Variants in EYS observed in about 807,000 individuals in gnomAD.
The protein encoded by EYS is EGF-like photoreceptor maintenance factor.
Under a neutral mutation model 282.1 loss-of-function variants are expected in EYS, and 250 were observed. That is an observed-to-expected ratio of 0.89 (90% confidence interval 0.80 to 0.98). The LOEUF is 0.98. Ranked by LOEUF, EYS falls within the 50% of genes least tolerant of loss-of-function variation. The pLI is 0.00. For missense variants in EYS, 4,016 were observed against 3,709.0 expected, an observed-to-expected ratio of 1.08 and a Z score of -2.15; for synonymous variants, 1,355 against 1,282.9, an observed-to-expected ratio of 1.06 and a Z score of -1.20.
At chr6:65,333,641 T>C (rs2150312607) in intron 11 of EYS, among the ~76,000 whole-genome samples, 1 of 151,792 alleles carries the variant, frequency 6.6e-6, no homozygotes, top group Admixed American at 6.6e-5. Flanking sequence ...TATTAGAGCC[T>C]CTAATTGTTA....
At chr6:63,821,799 G>T (rs1455778487) in intron 36 of EYS, 1 of 152,222 alleles carries the variant, frequency 6.6e-6, no homozygotes, top group East Asian at 1.9e-4. Flanking sequence ...CAACCAGCTG[G>T]AATGGATATG....
chr6:64,669,300 A>T (rs765285917), intron 22 of EYS, among the ~76,000 whole-genome samples: 1 of 152,184 alleles, frequency 6.6e-6, no homozygotes, highest in African/African-American at 2.4e-5. Context: ...GCTTGAATGG[A>T]TATAATCTGT....
At chr6:64,810,457 A>G (rs1406532204) in intron 22 of EYS, among the ~76,000 whole-genome samples, 1 of 152,072 alleles carries the variant, frequency 6.6e-6, no homozygotes, top group African/African-American at 2.4e-5. Flanking sequence ...CAAAGATAAG[A>G]TCTAAGAAAT....
At chr6:64,764,674 C>T (rs1253990332) in intron 22 of EYS, among the ~76,000 whole-genome samples, 2 of 152,240 alleles carry the variant, frequency 1.3e-5, no homozygotes, top group Non-Finnish European at 2.9e-5. Context: ...ATGGGGTTTT[C>T]TTTTCTACTC....
chr6:65,067,601 G>A (rs1051515160), intron 12 of EYS, among the ~76,000 whole-genome samples: 6 of 151,934 alleles, frequency 3.9e-5, no homozygotes, highest in Non-Finnish European at 7.4e-5. Flanking sequence ...ATTCTTATAC[G>A]TAATTATTAA....
intron 2 of EYS, among the ~76,000 whole-genome samples, chr6:65,546,018 T>A (rs868554051): frequency 2.7e-4 from 41 of 150,924 alleles, no homozygotes; most frequent in Middle Eastern, 3.4e-3. Context: ...ATTTTAACTT[T>A]TTTTTGTTGT....
intron 35 of EYS, among the ~76,000 whole-genome samples, chr6:63,879,834 G>T (rs1322156031): frequency 6.6e-6 from 1 of 152,140 alleles, no homozygotes; most frequent in Non-Finnish European, 1.5e-5. Context: ...TGCCTAACTG[G>T]ACAGGATGCC....
chr6:65,431,806 GTTTAT>G (rs888011118), intron 5 of EYS, among the ~76,000 whole-genome samples: 68 of 152,082 alleles, frequency 4.5e-4, no homozygotes, highest in African/African-American at 1.5e-3. Context: ...TAGTTATAAT[GTTTAT>G]TTTAACATTA....
At chr6:64,856,856 G>A (rs1766080484) in intron 19 of EYS, among the ~76,000 whole-genome samples, 1 of 151,560 alleles carries the variant, frequency 6.6e-6, no homozygotes, top group Non-Finnish European at 1.5e-5. Context: ...GGTAACTTAG[G>A]TTAATAAACA....
chr6:64,956,294 A>G (rs929929410), intron 14 of EYS, among the ~76,000 whole-genome samples: 1 of 152,214 alleles, frequency 6.6e-6, no homozygotes, highest in African/African-American at 2.4e-5. Context: ...CCACACACCT[A>G]CAGTGAACTC....
chr6:63,968,112 A>G (rs1766389833), intron 35 of EYS, among the ~76,000 whole-genome samples: 1 of 152,198 alleles, frequency 6.6e-6, no homozygotes, highest in African/African-American at 2.4e-5. Context: ...TAATAAAGAA[A>G]GACCTTTGTA....
intron 12 of EYS, among the ~76,000 whole-genome samples, chr6:65,207,895 T>A (rs149051524): frequency 1.3e-5 from 2 of 151,914 alleles, no homozygotes; most frequent in East Asian, 3.9e-4. Context: ...AAGATCTGAA[T>A]GTAAGGCCTG....
At chr6:65,423,571 A>G (rs370655388) in intron 5 of EYS, among the ~76,000 whole-genome samples, 1 of 151,930 alleles carries the variant, frequency 6.6e-6, no homozygotes, top group South Asian at 2.1e-4. Context: ...CCATGTTCCC[A>G]GGTGATTCTG....
chr6:64,707,391 C>CGG (rs1771059657), intron 22 of EYS, among the ~76,000 whole-genome samples: 2 of 151,932 alleles, frequency 1.3e-5, no homozygotes, highest in Non-Finnish European at 2.9e-5. Flanking sequence ...TATTGGGGGC[C>CGG]AGGCATGGTG....
chr6:65,014,075 A>G (rs369248953), intron 13 of EYS, among the ~76,000 whole-genome samples: 4 of 152,188 alleles, frequency 2.6e-5, no homozygotes, highest in East Asian at 1.9e-4. Flanking sequence ...TGCCTCAAAG[A>G]AGCAAATGAA....
At chr6:65,353,669 C>T in intron 8 of EYS, 52 bp from the exon 9 acceptor site, 1 of 1,452,870 alleles carries the variant, frequency 6.9e-7, no homozygotes, top group Non-Finnish European at 9.6e-7. Flanking sequence ...ATATATTTTT[C>T]AATATATACA....
At chr6:64,334,365 G>A (rs528941753) in intron 29 of EYS, among the ~76,000 whole-genome samples, 35 of 152,142 alleles carry the variant, frequency 2.3e-4, no homozygotes, top group Non-Finnish European at 3.8e-4. Flanking sequence ...TAAGCTATCC[G>A]GGCTATGATG....
At position 63,720,739 on chromosome 6, in the gene EYS, T is replaced by A. The variant is rs774280352; in HGVS notation, c.9292A>T (p.Ile3098Phe). The A allele has an allele frequency of 4.5e-6, 7 of 1,549,730 alleles. No individual in the cohort carries two copies. The South Asian group carries it at 8.4e-5, about 19-fold the overall frequency. ...GGFEYGRKVNIVTQEIFKTNF... is the reference protein window; with the variant it reads ...GGFEYGRKVNFVTQEIFKTNF... Reference sequence around the variant, plus strand: ...GTTTTAAAAATCTCTTGAGTAACGATATTTACCTTTCTACCATATTCAAAG... The same window carrying A: ...GTTTTAAAAATCTCTTGAGTAACGAAATTTACCTTTCTACCATATTCAAAG... The change falls in exon 43 of 43, where the codon ATC (isoleucine) becomes TTC (phenylalanine). Residue 3098 changes from isoleucine to phenylalanine, a missense_variant. Physicochemically the swap from Ile to Phe is conservative, Grantham distance 21. Transcript: ENST00000503581.
intron 33 of EYS, among the ~76,000 whole-genome samples, chr6:64,001,715 A>G (rs1041435398): frequency 6.6e-6 from 1 of 152,258 alleles, no homozygotes; most frequent in Non-Finnish European, 1.5e-5. Context: ...ATAGAATAAT[A>G]GTAACACAGA....
Sources: allele counts gnomAD v4.1 joint callset (sites outside exome capture counted in the v4.1 genomes callset), GRCh38; gene constraint gnomAD v4.1.1; transcripts MANE v1.5; gene names NCBI Gene and HGNC (gene_info 2026-07-23, HGNC 2026-07-21).